DSCAM: variants seen among roughly 807,000 people sequenced by gnomAD.
The protein encoded by DSCAM is DS cell adhesion molecule.
In DSCAM, 47 loss-of-function variants were observed where a neutral mutation model predicts 217.7. The ratio of observed to expected loss-of-function variants is 0.22; its 90% CI spans 0.17 to 0.28. The LOEUF is 0.28. Ranked by LOEUF, DSCAM falls within the 10% of genes least tolerant of loss-of-function variation. The pLI, the probability that DSCAM is intolerant of heterozygous loss-of-function variation, is 1.00. For missense variants in DSCAM, 2,080 were observed against 2,618.3 expected, an observed-to-expected ratio of 0.79 and a Z score of 4.49; for synonymous variants, 1,056 against 1,015.3, an observed-to-expected ratio of 1.04 and a Z score of -0.76.
chr21:40,748,028 A>G (rs1437205117), intron 1 of DSCAM, among the ~76,000 whole-genome samples: 1 of 151,942 alleles, frequency 6.6e-6, no homozygotes, highest in African/African-American at 2.4e-5. Context: ...TTCCTTCATA[A>G]AAATCCTCCA....
intron 4 of DSCAM, among the ~76,000 whole-genome samples, chr21:40,361,009 A>G (rs2074757278): frequency 6.6e-6 from 1 of 152,148 alleles, no homozygotes; most frequent in Non-Finnish European, 1.5e-5. Context: ...GATTGAAGCA[A>G]TGCTTGAGAC....
intron 32 of DSCAM, among the ~76,000 whole-genome samples, chr21:40,033,408 G>T (rs946481977): frequency 6.6e-6 from 1 of 152,178 alleles, no homozygotes; most frequent in Admixed American, 6.5e-5. Flanking sequence ...AAAGAAAGGG[G>T]TGACGGACGG....
At chr21:40,417,707 A>C (rs2123810488) in intron 3 of DSCAM, among the ~76,000 whole-genome samples, 1 of 152,328 alleles carries the variant, frequency 6.6e-6, no homozygotes, top group South Asian at 2.1e-4. Context: ...AATTCAGTTT[A>C]ACTTAGCAAA....
chr21:40,466,956 G>A (rs2075850421), intron 3 of DSCAM, among the ~76,000 whole-genome samples: 1 of 151,828 alleles, frequency 6.6e-6, no homozygotes, highest in Admixed American at 6.6e-5. Flanking sequence ...TTTTTTTCTT[G>A]TTTATTTCAC....
At chr21:40,459,694 T>G (rs1355988716) in intron 3 of DSCAM, among the ~76,000 whole-genome samples, 1 of 152,178 alleles carries the variant, frequency 6.6e-6, no homozygotes, top group Non-Finnish European at 1.5e-5. Context: ...ATGCATGAAT[T>G]AATCTATATA....
At chr21:40,661,820 G>C (rs1228342240) in intron 3 of DSCAM, among the ~76,000 whole-genome samples, 2 of 152,210 alleles carry the variant, frequency 1.3e-5, no homozygotes, top group South Asian at 2.1e-4. Context: ...TATGAGAATA[G>C]AGAGGTGTTT....
At chr21:40,741,479 G>C (rs141103548) in intron 1 of DSCAM, among the ~76,000 whole-genome samples, 222 of 152,052 alleles carry the variant, frequency 1.5e-3, no homozygotes, top group African/African-American at 4.4e-3. Flanking sequence ...CTCAAACCAT[G>C]GTTCCCCATA....
intron 3 of DSCAM, among the ~76,000 whole-genome samples, chr21:40,600,484 A>G (rs1336696373): frequency 6.6e-6 from 1 of 152,162 alleles, no homozygotes; most frequent in Non-Finnish European, 1.5e-5. Context: ...TCCTAAGACT[A>G]TCACAACATA....
At chr21:40,174,813 G>A (rs2090705595) in intron 15 of DSCAM, among the ~76,000 whole-genome samples, 1 of 152,164 alleles carries the variant, frequency 6.6e-6, no homozygotes, top group South Asian at 2.1e-4. Context: ...ACAACACTGA[G>A]CCGACTCACA....
At chr21:40,490,586 T>C (rs1385056703) in intron 3 of DSCAM, among the ~76,000 whole-genome samples, 3 of 152,108 alleles carry the variant, frequency 2.0e-5, no homozygotes, top group East Asian at 3.9e-4. Flanking sequence ...GAGAAAAGAT[T>C]TGAGAGAGGT....
intron 3 of DSCAM, among the ~76,000 whole-genome samples, chr21:40,556,006 A>G (rs1211666558): frequency 6.6e-6 from 1 of 152,196 alleles, no homozygotes; most frequent in Admixed American, 6.5e-5. Context: ...AGATACTGTT[A>G]AATGTTCCAG....
At chr21:40,108,579 C>A (rs926613841) in intron 20 of DSCAM, among the ~76,000 whole-genome samples, 3 of 152,086 alleles carry the variant, frequency 2.0e-5, no homozygotes, top group African/African-American at 4.8e-5. Flanking sequence ...ATACTACCCA[C>A]GCAACTTATA....
intron 3 of DSCAM, among the ~76,000 whole-genome samples, chr21:40,408,470 C>A (rs1477124386): frequency 6.6e-6 from 1 of 152,006 alleles, no homozygotes; most frequent in Admixed American, 6.6e-5. Flanking sequence ...AATTGCCCTA[C>A]GAGATCATCT....
chr21:40,523,435 G>A (rs535339446), intron 3 of DSCAM, among the ~76,000 whole-genome samples: 4 of 152,222 alleles, frequency 2.6e-5, no homozygotes, highest in South Asian at 4.1e-4. Flanking sequence ...GGAATGCACC[G>A]GCCTAAGAGC....
chr21:40,388,008 T>C (rs2075102091), intron 3 of DSCAM, among the ~76,000 whole-genome samples: 1 of 151,636 alleles, frequency 6.6e-6, no homozygotes, highest in African/African-American at 2.4e-5. Context: ...GAAAGAAAGA[T>C]ACATATGAAA....
At chr21:40,017,272 A>C (rs2088176099) in intron 32 of DSCAM, among the ~76,000 whole-genome samples, 1 of 152,188 alleles carries the variant, frequency 6.6e-6, no homozygotes, top group Admixed American at 6.5e-5. Flanking sequence ...ATTTTTGGGA[A>C]ATGCAGCAAA....
At chr21:40,712,839 G>A (rs555178847) in intron 1 of DSCAM, among the ~76,000 whole-genome samples, 15 of 151,034 alleles carry the variant, frequency 9.9e-5, no homozygotes, top group African/African-American at 3.4e-4. Context: ...GAGAGAAGGT[G>A]GGGGGTACAG....
At chr21:40,548,565 TA>T (rs936120421) in intron 3 of DSCAM, among the ~76,000 whole-genome samples, 6 of 151,954 alleles carry the variant, frequency 3.9e-5, no homozygotes, top group African/African-American at 1.4e-4. Flanking sequence ...TTTCCTTTTC[TA>T]AATTATCAGA....
chr21:40,048,480 T>TGACA (rs922678762), intron 30 of DSCAM, among the ~76,000 whole-genome samples: 1 of 152,218 alleles, frequency 6.6e-6, no homozygotes, highest in African/African-American at 2.4e-5. Context: ...TTTTCACTAC[T>TGACA]GACAGAGATA....
Sources: allele counts gnomAD v4.1 joint callset (sites outside exome capture counted in the v4.1 genomes callset), GRCh38; gene constraint gnomAD v4.1.1; transcripts MANE v1.5; gene names NCBI Gene and HGNC (gene_info 2026-07-23, HGNC 2026-07-21).